MTUS2: variants seen among roughly 807,000 people sequenced by gnomAD.
MTUS2 encodes microtubule associated scaffold protein 2.
In MTUS2, 40 loss-of-function variants were observed where a neutral mutation model predicts 114.1. The observed-to-expected ratio is 0.35, with a 90% CI of 0.27 to 0.46. MTUS2 has a LOEUF of 0.46. MTUS2 is among the 20% of genes least tolerant of loss of function. MTUS2 has a pLI of 1.00. For missense variants in MTUS2, 1,679 were observed against 1,705.4 expected (o/e 0.98, Z 0.27); for synonymous variants, 688 against 672.0 (o/e 1.02, Z -0.37).
chr13:29,059,726 G>A (rs1477545126), intron 4 of MTUS2, among the ~76,000 whole-genome samples: 2 of 152,202 alleles, frequency 1.3e-5, no homozygotes, highest in Non-Finnish European at 2.9e-5. Context: ...GGGTCGGGTG[G>A]AGTCATCAAC....
intron 6 of MTUS2, among the ~76,000 whole-genome samples, chr13:29,304,682 A>T (rs1450933618): frequency 1.3e-5 from 2 of 152,200 alleles, no homozygotes; most frequent in African/African-American, 4.8e-5. Context: ...CCCACAGAAT[A>T]ATAGTGGTAG....
intron 11 of MTUS2, among the ~76,000 whole-genome samples, chr13:29,491,210 G>A (rs374597313): frequency 4.2e-5 from 1 of 23,656 alleles, no homozygotes; most frequent in South Asian, 2.3e-3. Context: ...GGGGGTGTGG[G>A]TATGTTATGT....
rs182291839 is a variant in MTUS2 at position 28,868,840 on chromosome 13, C to T, written c.-243+28990C>T. On this transcript the variant is annotated intron_variant, in intron 2 of 15. Coordinates refer to ENST00000612955, the MANE Select transcript of MTUS2 (RefSeq NM_001033602.4). ...ATCTGCCATCTTTTAAACATTTCAC[C>T]GTAGCCTGAGTGATAAAAAGTTCAT... is the stretch of plus-strand genomic sequence containing the variant. Among the ~76,000 whole-genome samples the T allele has an allele frequency of 1.1e-3, 169 of 152,160 alleles. 1 individual carries two copies. Among genetic ancestry groups the T allele is most frequent in the African/African-American group, 3.8e-3 (158 of 41,506 alleles).
At chr13:29,274,547 T>G (rs1421734658) in intron 5 of MTUS2, among the ~76,000 whole-genome samples, 1 of 152,232 alleles carries the variant, frequency 6.6e-6, no homozygotes, top group Non-Finnish European at 1.5e-5. Context: ...TATATTTTTA[T>G]TATAGCTATT....
chr13:29,192,203 TTTTA>T (rs1386294374), intron 5 of MTUS2, among the ~76,000 whole-genome samples: 2 of 152,222 alleles, frequency 1.3e-5, no homozygotes, highest in African/African-American at 4.8e-5. Flanking sequence ...TCTGAGACTT[TTTTA>T]TTAGAATTTA....
chr13:29,073,670 C>T (rs1247762954), intron 4 of MTUS2, among the ~76,000 whole-genome samples: 10 of 152,156 alleles, frequency 6.6e-5, no homozygotes, highest in African/African-American at 2.4e-4. Flanking sequence ...GTACATCTTG[C>T]CCTTCTTCAT....
In MTUS2 at chr13:29,389,487, GTA is replaced by G. The variant is rs1429006627; in HGVS notation, c.3117+30016_3117+30017del. Among the ~76,000 whole-genome samples, 31 of 122,044 alleles carry G rather than the reference GTA, an allele frequency of 2.5e-4. 2 individuals carry two copies. The highest frequency in any genetic ancestry group is 7.0e-4 in the African/African-American group (22 of 31,502). The allele number at this position is 122,044 out of a possible 152,430, so 80.1% of individuals were successfully genotyped here. A position where few individuals can be genotyped will look rare whatever the true frequency, so the allele number is the denominator to read the frequency against. The stretch of plus-strand genomic sequence containing the variant: ...TATGTGTATATGTATACACGTGTGT[GTA>G]TGTGTATATATGTATACACGTGTGT... On this transcript the variant is annotated intron_variant, in intron 8 of 15. Coordinates refer to ENST00000612955, the MANE Select transcript of MTUS2 (RefSeq NM_001033602.4).
intron 5 of MTUS2, among the ~76,000 whole-genome samples, chr13:29,120,583 A>T (rs1891267441): frequency 6.6e-6 from 1 of 152,174 alleles, no homozygotes. Flanking sequence ...TAAGAAAAGA[A>T]AAAAGAATTT....
At chr13:29,499,320 T>C (rs1269361487) in intron 14 of MTUS2, among the ~76,000 whole-genome samples, 1 of 152,166 alleles carries the variant, frequency 6.6e-6, no homozygotes, top group Admixed American at 6.5e-5. Context: ...CAGCCAGGGC[T>C]AGAGTCCCAG....
chr13:29,420,222 C>T (rs977829619), intron 8 of MTUS2, among the ~76,000 whole-genome samples: 4 of 151,158 alleles, frequency 2.6e-5, no homozygotes, highest in East Asian at 1.9e-4. Context: ...TTTTTTCTTC[C>T]TTCCTTCCTT....
In MTUS2 at chr13:29,024,876, A is replaced by G; in HGVS notation, c.178A>G (p.Ile60Val). ...ESKTCDLGDE[I>V]GNTNSSEPEN... ...CAAGACATGTGACCTGGGAGATGAA[A>G]TTGGAAATACAAATTCAAGTGAGCC... is the stretch of plus-strand genomic sequence containing the variant. Residue 60 changes from isoleucine (I) to valine (V), a missense_variant, in exon 3 of 16, where the codon ATT (isoleucine) becomes GTT (valine). By Grantham distance (29) the Ile-to-Val change is conservative (BLOSUM62 3). Transcript: ENST00000612955. The G allele has an allele frequency of 1.9e-6, 3 of 1,613,962 alleles. No homozygotes were observed. The highest frequency in any genetic ancestry group is 1.1e-5 in the South Asian group (1 of 91,078).
chr13:28,971,747 G>A (rs1883867410), intron 2 of MTUS2, among the ~76,000 whole-genome samples: 1 of 151,622 alleles, frequency 6.6e-6, no homozygotes, highest in African/African-American at 2.4e-5. Context: ...ATATAAACAT[G>A]TGAGAAAGTG....
intron 6 of MTUS2, among the ~76,000 whole-genome samples, chr13:29,286,660 G>A (rs61948176): frequency 2.2e-5 from 2 of 90,034 alleles, no homozygotes; most frequent in African/African-American, 1.0e-4. Context: ...CTGTCTGTCT[G>A]TCTGTCTGTC....
chr13:29,071,790 T>C (rs999618025), intron 4 of MTUS2, among the ~76,000 whole-genome samples: 2 of 152,186 alleles, frequency 1.3e-5, no homozygotes, highest in Admixed American at 6.5e-5. Context: ...TTCTTTGTGA[T>C]CTTTTATTAT....
At chr13:29,017,815 T>G (rs1462283907) in intron 2 of MTUS2, among the ~76,000 whole-genome samples, 2 of 152,140 alleles carry the variant, frequency 1.3e-5, no homozygotes, top group Non-Finnish European at 2.9e-5. Flanking sequence ...TCCCAGAAAT[T>G]ACATAGCAAA....
chr13:28,838,764 G>A (rs1301311203), intron 1 of MTUS2, among the ~76,000 whole-genome samples: 1 of 151,928 alleles, frequency 6.6e-6, no homozygotes, highest in East Asian at 1.9e-4. Context: ...AAGCCGAGGG[G>A]GTTGGAAGTA....
At chr13:29,266,559 T>G (rs1404940744) in intron 5 of MTUS2, among the ~76,000 whole-genome samples, 1 of 152,270 alleles carries the variant, frequency 6.6e-6, no homozygotes, top group African/African-American at 2.4e-5. Flanking sequence ...TGATAAACTC[T>G]GATTTTTATC....
intron 5 of MTUS2, among the ~76,000 whole-genome samples, chr13:29,198,356 G>C (rs577298997): frequency 6.6e-6 from 1 of 152,232 alleles, no homozygotes; most frequent in East Asian, 1.9e-4. Flanking sequence ...TTTTTGTCAG[G>C]TTTCTCAAAG....
intron 5 of MTUS2, among the ~76,000 whole-genome samples, chr13:29,186,029 A>G (rs947890843): frequency 1.3e-5 from 2 of 152,080 alleles, no homozygotes; most frequent in Non-Finnish European, 2.9e-5. Context: ...AAGGAAACAT[A>G]AAAAGACCTC....
Sources: gnomAD v4.1 joint callset for allele counts (sites outside exome capture counted in the v4.1 genomes callset) on GRCh38, gnomAD v4.1.1 for gene constraint, MANE v1.5 for transcripts, NCBI Gene and HGNC (gene_info 2026-07-23, HGNC 2026-07-21) for gene names.